The following SNX9 variants were observed in gnomAD, a reference collection of about 807,000 sequenced individuals.
The protein encoded by SNX9 is sorting nexin-9.
A neutral mutation model predicts 89.4 loss-of-function variants in SNX9; 44 were observed. That is an observed-to-expected ratio of 0.49 (90% CI 0.39 to 0.63). The LOEUF is 0.63. Ranked by LOEUF, SNX9 falls within the 30% of genes least tolerant of loss-of-function variation. SNX9 has a pLI of 0.00. For synonymous variants in SNX9, 236 were observed against 247.8 expected (o/e 0.95, Z 0.45); for missense variants, 578 against 736.1 (o/e 0.79, Z 2.49).
intron 1 of SNX9, among the ~76,000 whole-genome samples, chr6:157,858,882 C>T (rs1362145874): frequency 6.6e-6 from 1 of 152,130 alleles, no homozygotes; most frequent in East Asian, 1.9e-4. Context: ...GGGATACCAC[C>T]CCCATGATTC....
At chr6:157,826,460 A>G (rs2115100300) in intron 1 of SNX9, among the ~76,000 whole-genome samples, 1 of 149,694 alleles carries the variant, frequency 6.7e-6, no homozygotes, top group East Asian at 2.0e-4. Context: ...ATTTTGCGCC[A>G]CTGCACTCCA....
chr6:157,911,161 C>T (rs1161569164), intron 9 of SNX9, among the ~76,000 whole-genome samples: 3 of 152,154 alleles, frequency 2.0e-5, no homozygotes, highest in Admixed American at 6.5e-5. Flanking sequence ...AAGAAACAGA[C>T]TTAAAGGTTA....
At chr6:157,923,428 T>TAAA (rs71788446) in intron 10 of SNX9, among the ~76,000 whole-genome samples, 42 of 148,244 alleles carry the variant, frequency 2.8e-4, no homozygotes, top group Middle Eastern at 3.5e-3. Context: ...ATTGAAAATC[T>TAAA]AAAAAAAAAA....
rs747191157 is a variant in SNX9 at position 157,896,849 on chromosome 6, G to T, written c.323G>T (p.Trp108Leu). Reference protein sequence around the residue: ...NHQVGSGNDPWSAWSASKSGN... With the variant: ...NHQVGSGNDPLSAWSASKSGN... ...TAGGTTGGCAGTGGCAATGACCCCT[G>T]GTCAGCCTGGAGTGCCTCCAAATCT... Residue 108 changes from tryptophan (W) to leucine (L), a missense_variant, in exon 5 of 18, where the codon TGG becomes TTG. By Grantham distance (61) the Trp-to-Leu change is moderately conservative. Coordinates refer to ENST00000392185, the MANE Select transcript of SNX9 (RefSeq NM_016224.5). 6.8e-6 allele frequency: 11 copies of T among 1,612,684 alleles called. No individual in the cohort carries two copies. Among genetic ancestry groups the T allele is most frequent in the Non-Finnish European group, 9.3e-6 (11 of 1,179,686 alleles).
intron 1 of SNX9, among the ~76,000 whole-genome samples, chr6:157,838,455 T>G (rs1781628781): frequency 6.6e-6 from 1 of 152,212 alleles, no homozygotes; most frequent in South Asian, 2.1e-4. Context: ...GGTGTACGGT[T>G]GCTGTGGTAA....
At chr6:157,931,929 T>G (rs1262578593) in intron 12 of SNX9, among the ~76,000 whole-genome samples, 1 of 152,222 alleles carries the variant, frequency 6.6e-6, no homozygotes, top group Admixed American at 6.5e-5. Flanking sequence ...TAAAGGAGCT[T>G]CCATTTCACT....
intron 4 of SNX9, among the ~76,000 whole-genome samples, chr6:157,877,084 T>A (rs1562602253): frequency 6.6e-6 from 1 of 152,208 alleles, no homozygotes; most frequent in East Asian, 1.9e-4. Flanking sequence ...TTATTTTAAT[T>A]CTAGGGACTG....
intron 3 of SNX9, chr6:157,874,677 T>G (rs1782482773): frequency 5.6e-6 from 1 of 178,750 alleles, no homozygotes; most frequent in Non-Finnish European, 1.2e-5. Context: ...CCACATATTC[T>G]GAGCCATAAA....
chr6:157,879,214 C>T (rs925154928), intron 4 of SNX9, among the ~76,000 whole-genome samples: 39 of 152,174 alleles, frequency 2.6e-4, no homozygotes, highest in Non-Finnish European at 4.0e-4. Flanking sequence ...ACGTTTCCTA[C>T]GGCATTGTTT....
At chr6:157,836,318 C>T (rs1322118002) in intron 1 of SNX9, among the ~76,000 whole-genome samples, 1 of 152,148 alleles carries the variant, frequency 6.6e-6, no homozygotes, top group Non-Finnish European at 1.5e-5. Flanking sequence ...TAAAATGCTA[C>T]AAGTATTAAA....
At chr6:157,901,570 T>TG (rs1783098283) in intron 5 of SNX9, among the ~76,000 whole-genome samples, 7 of 152,182 alleles carry the variant, frequency 4.6e-5, no homozygotes, top group African/African-American at 1.7e-4. Context: ...TACCTGGTTT[T>TG]CCCAGCACGA....
intron 6 of SNX9, 35 bp downstream of exon 6, chr6:157,902,080 T>C: frequency 6.2e-7 from 1 of 1,605,204 alleles, no homozygotes; most frequent in Non-Finnish European, 8.5e-7. Context: ...ACCAGGGCCG[T>C]GGTAGAAGTA....
intron 4 of SNX9, among the ~76,000 whole-genome samples, chr6:157,890,242 T>C (rs3805772): frequency 0.12 from 17,681 of 152,156 alleles, 1,565 homozygotes; most frequent in African/African-American, 0.25. Flanking sequence ...AGCACCACCA[T>C]GGGTGTGCGT....
At chr6:157,838,308 C>T (rs1002160501) in intron 1 of SNX9, among the ~76,000 whole-genome samples, 2 of 151,392 alleles carry the variant, frequency 1.3e-5, no homozygotes, top group African/African-American at 2.4e-5. Context: ...CCACTGTGCT[C>T]GACCAATAAT....
chr6:157,940,923 C>T lies in SNX9; in HGVS notation c.1689C>T (p.Tyr563=). 1.2e-6 allele frequency: 2 copies of T among 1,614,220 alleles called. No individual in the cohort carries two copies. The highest frequency in any genetic ancestry group is 1.7e-6 in the Non-Finnish European group (2 of 1,180,022). ...TTCACAGTAACCGGATCTATGATTA[C>T]AACAGTGTCATCCGCCTGTACCTGG... ...NHFHSNRIYD[Y]NSVIRLYLEQ... is the part of the protein sequence containing the mutation. The change falls in exon 17 of 18, where the codon TAC becomes TAT. Residue 563 remains tyrosine, a synonymous_variant. Transcript: ENST00000392185.
intron 13 of SNX9, among the ~76,000 whole-genome samples, chr6:157,933,783 G>A (rs16900515): frequency 0.03 from 4,579 of 152,208 alleles, 227 homozygotes; most frequent in African/African-American, 0.1. Flanking sequence ...ATGATGGCCC[G>A]GCTCCACAGG....
intron 2 of SNX9, among the ~76,000 whole-genome samples, chr6:157,869,551 C>T (rs73573852): frequency 2.6e-5 from 4 of 152,168 alleles, no homozygotes; most frequent in Non-Finnish European, 4.4e-5. Flanking sequence ...GAGTTTTACT[C>T]TGTCCAGCCT....
intron 4 of SNX9, among the ~76,000 whole-genome samples, chr6:157,895,973 C>T (rs374418898): frequency 6.6e-6 from 1 of 152,202 alleles, no homozygotes; most frequent in Non-Finnish European, 1.5e-5. Context: ...TTAACCCTTA[C>T]GAAAAAGTAA....
chr6:157,866,118 C>A (rs1210574172), intron 1 of SNX9, among the ~76,000 whole-genome samples: 1 of 152,108 alleles, frequency 6.6e-6, no homozygotes, highest in East Asian at 1.9e-4. Context: ...TAAACACATA[C>A]CTTGTTTTTA....
Sources: gnomAD v4.1 joint callset for allele counts (sites outside exome capture counted in the v4.1 genomes callset) on GRCh38, gnomAD v4.1.1 for gene constraint, MANE v1.5 for transcripts, NCBI Gene and HGNC (gene_info 2026-07-23, HGNC 2026-07-21) for gene names.